Variants in CARD16 observed in about 807,000 individuals in gnomAD.
The protein encoded by CARD16 is caspase recruitment domain-containing protein 16.
A neutral mutation model predicts 11.9 loss-of-function variants in CARD16; 8 were observed. The observed-to-expected ratio is 0.67, with a 90% CI of 0.39 to 1.21. CARD16 has a LOEUF of 1.21. Ranked by LOEUF, CARD16 falls within the 50% of genes most tolerant of loss-of-function variation. CARD16 has a pLI of 0.01. For synonymous variants in CARD16, 44 were observed against 43.8 expected, an observed-to-expected ratio of 1.00 and a Z score of -0.02; for missense variants, 131 against 118.1, an observed-to-expected ratio of 1.11 and a Z score of -0.51.
At position 105,044,404 on chromosome 11, in the gene CARD16, C is replaced by G; in HGVS notation, c.262G>C (p.Gly88Arg). Residue 88 changes from glycine (G) to arginine (R), a missense_variant, in exon 2 of 4, where the codon GGA becomes CGA. Physicochemically the swap from Gly to Arg is moderately radical, Grantham distance 125 (BLOSUM62 -2). Transcript: ENST00000673097. ...EEDSYLAETL[G>R]LSAGPIPGN ...CACTGACCCTTACCTGCTGAGAGTC[C>G]CAGCGTCTCTGCCAGGTAACTGTCT... is the stretch of plus-strand genomic sequence containing the variant. 6.2e-7 allele frequency: 1 copy of G among 1,614,012 alleles called. No individual in the cohort carries two copies. The highest frequency in any genetic ancestry group is 8.5e-7 in the Non-Finnish European group (1 of 1,179,920).
At chr11:105,043,081 G>A (rs1864138009) in intron 3 of CARD16, among the ~76,000 whole-genome samples, 1 of 152,088 alleles carries the variant, frequency 6.6e-6, no homozygotes, top group African/African-American at 2.4e-5. Context: ...TGAGTTTCAA[G>A]TTCCTGGATT....
At chr11:105,043,329 C>G (rs978060986) in intron 3 of CARD16, among the ~76,000 whole-genome samples, 154 bp downstream of exon 3, 4 of 151,306 alleles carry the variant, frequency 2.6e-5, no homozygotes, top group Admixed American at 6.6e-5. Flanking sequence ...GCTTTGGGAA[C>G]AGTTTCTGCA....
intron 2 of CARD16, 187 bp downstream of exon 2, chr11:105,044,205 G>T: frequency 1.2e-6 from 1 of 868,726 alleles, no homozygotes. Flanking sequence ...AATCAGAAGA[G>T]GGCACTGAGG....
At position 105,044,619 on chromosome 11, in the gene CARD16, G is replaced by T. The variant is rs369586730; in HGVS notation, c.47C>A (p.Ser16Tyr). The T allele has an allele frequency of 2.5e-5, 40 of 1,613,942 alleles. No individual in the cohort carries two copies. The highest frequency in any genetic ancestry group is 3.1e-5 in the Non-Finnish European group (37 of 1,179,970). The change falls in exon 2 of 4, where the codon TCC becomes TAC. Residue 16 changes from serine (S) to tyrosine (Y), a missense_variant. By Grantham distance (144) the Ser-to-Tyr change is moderately radical (BLOSUM62 -2). Coordinates refer to ENST00000673097, the MANE Select transcript of CARD16 (RefSeq NM_052889.4). The part of the protein sequence containing the change: ...LKEKRKLFIH[S>Y]MGEGTINGLL... ...GCCATTTATTGTACCTTCACCCATG[G>T]AATGGATAAACAGCTTTCTCTTCTC...
chr11:105,045,146 T>C, intron 1 of CARD16, 145 bp downstream of exon 1: 1 of 1,186,114 alleles, frequency 8.4e-7, no homozygotes, highest in South Asian at 1.3e-5. Context: ...AATCTTCTAG[T>C]TCCTTCTCTC....
intron 3 of CARD16, among the ~76,000 whole-genome samples, chr11:105,042,671 T>C (rs948887680): frequency 6.6e-6 from 1 of 152,160 alleles, no homozygotes; most frequent in African/African-American, 2.4e-5. Flanking sequence ...TATAAAATAA[T>C]AATTTAGTAG....
intron 2 of CARD16, 126 bp from the exon 3 acceptor site, chr11:105,043,671 T>A: frequency 1.4e-6 from 1 of 710,890 alleles, no homozygotes; most frequent in South Asian, 1.6e-5. Context: ...TAAATAATGT[T>A]CAAGTGCACC....
At chr11:105,045,143 T>C in intron 1 of CARD16, 148 bp downstream of exon 1, 1 of 1,144,306 alleles carries the variant, frequency 8.7e-7, no homozygotes, top group South Asian at 1.3e-5. Flanking sequence ...AAAAATCTTC[T>C]AGTTCCTTCT....
At chr11:105,043,578 C>T (rs778478685) in intron 2 of CARD16, 33 bp from the exon 3 acceptor site, 5 of 1,503,340 alleles carry the variant, frequency 3.3e-6, no homozygotes, top group Non-Finnish European at 2.8e-6. Context: ...GAAATAGCCA[C>T]TTATCATCTC....
rs1464859618 is a variant in CARD16 at position 105,045,314 on chromosome 11, CCTT to C, written c.-20_-18del. The C allele has an allele frequency of 2.5e-6, 4 of 1,613,940 alleles. No homozygotes were observed. The Admixed American group carries it at 6.7e-5, about 27-fold the overall frequency. ...ACCGGCCATGGCTTTTCTCTCCTAC[CCTT>C]CTTGTGTGGGCTGAAACTGAAAGTA... On this transcript the variant is annotated 5_prime_UTR_variant, in exon 1 of 4. Transcript: ENST00000673097.
rs569697863 is a variant in CARD16 at position 105,043,064 on chromosome 11, G to C, written c.*43+419C>G. Reference sequence around the variant, plus strand: ...ATTGGAGGTGCATGAGAGGAAGGGGGCCAAGATGAGTTTCAAGTTCCTGGA... The same window carrying C: ...ATTGGAGGTGCATGAGAGGAAGGGGCCCAAGATGAGTTTCAAGTTCCTGGA... On this transcript the variant is annotated intron_variant, in intron 3 of 3. Coordinates refer to ENST00000673097, the MANE Select transcript of CARD16 (RefSeq NM_052889.4). Among the ~76,000 whole-genome samples the C allele has an allele frequency of 7.5e-4, 114 of 152,176 alleles. No homozygotes were observed. The Middle Eastern group carries it at 0.01, about 14-fold the overall frequency.
chr11:105,042,347 GCTTT>G (rs1349647613), intron 3 of CARD16, among the ~76,000 whole-genome samples: 1 of 152,120 alleles, frequency 6.6e-6, no homozygotes, highest in East Asian at 1.9e-4. Context: ...ACTAAACATT[GCTTT>G]CACGAACATA....
chr11:105,045,130 T>G, intron 1 of CARD16, 161 bp downstream of exon 1: 2 of 1,030,686 alleles, frequency 1.9e-6, no homozygotes, highest in South Asian at 2.8e-5. Context: ...TTCTAAAGCC[T>G]GCAAAAATCT....
intron 1 of CARD16, chr11:105,045,044 A>T: frequency 1.6e-6 from 1 of 625,406 alleles, no homozygotes; most frequent in Admixed American, 2.9e-5. Flanking sequence ...ACAGGTAAGC[A>T]AGGGTTTAAT....
In CARD16 at chr11:105,045,172, C is replaced by T. The variant is rs181595695; in HGVS notation, c.7+119G>A. 3.9e-4 allele frequency: 551 copies of T among 1,425,330 alleles called. 1 individual carries two copies. In the African/African-American group the frequency reaches 4.8e-3, roughly 12 times the overall value. 88.3% of individuals were successfully genotyped at this position (1,425,330 alleles called of 1,614,324 possible). ...TCCTTCTCTCCTCCCACTCCTCCCT[C>T]TCCCTCACTTCTGCTCACCTAAACT... On this transcript the variant is annotated intron_variant, in intron 1 of 3. Coordinates refer to ENST00000673097, the MANE Select transcript of CARD16 (RefSeq NM_052889.4).
chr11:105,045,260 G>C, intron 1 of CARD16, 31 bp downstream of exon 1: 1 of 1,613,794 alleles, frequency 6.2e-7, no homozygotes. Context: ...TTCTTCCCAG[G>C]GACCTGTTCT....
At position 105,045,114 on chromosome 11, in the gene CARD16, T is replaced by C. The variant is rs2134889169; in HGVS notation, c.7+177A>G. On this transcript the variant is annotated intron_variant, in intron 1 of 3. Transcript: ENST00000673097. ...GTCTCTGTTCCTTTCTGGGCTTGCC[T>C]TTTCTTTCTAAAGCCTGCAAAAATC... 1.1e-5 allele frequency: 10 copies of C among 893,660 alleles called. 1 individual carries two copies. The South Asian group carries it at 1.6e-4, about 14-fold the overall frequency. 55.4% of individuals were successfully genotyped at this position (893,660 alleles called of 1,614,324 possible).
At chr11:105,044,346 G>A (rs750663219) in intron 2 of CARD16, 46 bp downstream of exon 2, 9 of 1,611,208 alleles carry the variant, frequency 5.6e-6, no homozygotes, top group East Asian at 2.2e-5. Context: ...TGTTAGGCAC[G>A]AAGACAGGCC....
At chr11:105,044,057 G>A in intron 2 of CARD16, 1 of 415,146 alleles carries the variant, frequency 2.4e-6, no homozygotes. Flanking sequence ...GGGACACCCT[G>A]GACACAAAAT....
Sources: gnomAD v4.1 joint callset for allele counts (sites outside exome capture counted in the v4.1 genomes callset) on GRCh38, gnomAD v4.1.1 for gene constraint, MANE v1.5 for transcripts, NCBI Gene and HGNC (gene_info 2026-07-23, HGNC 2026-07-21) for gene names.